CTNNA3: variants seen among roughly 807,000 people sequenced by gnomAD.
The protein encoded by CTNNA3 is catenin alpha 3.
In CTNNA3, 76 loss-of-function variants were observed where a neutral mutation model predicts 95.7. The observed-to-expected ratio is 0.79, with a 90% CI of 0.66 to 0.96. CTNNA3 has a LOEUF of 0.96. Ranked by LOEUF, CTNNA3 falls within the 40% of genes least tolerant of loss-of-function variation. The pLI, the probability that CTNNA3 is intolerant of heterozygous loss-of-function variation, is 0.00. For missense variants in CTNNA3, 1,191 were observed against 1,089.8 expected (o/e 1.09, Z -1.31); for synonymous variants, 431 against 374.4 (o/e 1.15, Z -1.74).
At chr10:66,779,019 GA>G (rs1400319389) in intron 7 of CTNNA3, among the ~76,000 whole-genome samples, 1 of 151,972 alleles carries the variant, frequency 6.6e-6, no homozygotes, top group African/African-American at 2.4e-5. Flanking sequence ...TAGTAAATAA[GA>G]AATAGACAAC....
chr10:66,270,421 G>A (rs1298052672), intron 13 of CTNNA3, among the ~76,000 whole-genome samples: 3 of 152,038 alleles, frequency 2.0e-5, no homozygotes, highest in Admixed American at 1.3e-4. Flanking sequence ...GCCCAGGCTT[G>A]TCTCAAACTC....
intron 3 of CTNNA3, among the ~76,000 whole-genome samples, chr10:67,595,008 C>G (rs1363049374): frequency 6.6e-6 from 1 of 152,144 alleles, no homozygotes; most frequent in Non-Finnish European, 1.5e-5. Flanking sequence ...TGAGTTACTT[C>G]CCTTAGAATA....
intron 1 of CTNNA3, among the ~76,000 whole-genome samples, chr10:67,680,470 T>A (rs532611264): frequency 3.9e-5 from 6 of 152,206 alleles, no homozygotes; most frequent in Non-Finnish European, 7.4e-5. Flanking sequence ...AGGAATCAGA[T>A]CCTTCTAGGA....
chr10:67,527,923 G>A (rs1481147630), intron 4 of CTNNA3, among the ~76,000 whole-genome samples: 1 of 152,152 alleles, frequency 6.6e-6, no homozygotes, highest in Non-Finnish European at 1.5e-5. Context: ...AAAAACACTG[G>A]GAAAGCTTCA....
intron 15 of CTNNA3, among the ~76,000 whole-genome samples, chr10:66,022,984 G>T (rs7074141): frequency 2.0e-5 from 3 of 151,960 alleles, no homozygotes; most frequent in Non-Finnish European, 4.4e-5. Context: ...ATATCACTTG[G>T]AGTAGAACAC....
intron 7 of CTNNA3, among the ~76,000 whole-genome samples, chr10:66,783,618 T>C (rs4615912): frequency 0.67 from 102,178 of 151,958 alleles, 34,950 homozygotes; most frequent in East Asian, 1. Context: ...TGCTGTCGAT[T>C]ACACTGTGAG....
At position 67,219,655 on chromosome 10, in the gene CTNNA3, T is replaced by C. The variant is rs1291475601; in HGVS notation, c.795A>G (p.Pro265=). 6.2e-7 allele frequency: 1 copy of C among 1,614,080 alleles called. No individual in the cohort carries two copies. The highest frequency in any genetic ancestry group is 8.5e-7 in the Non-Finnish European group (1 of 1,180,004). ...CCAGGGTTGCTGCCTGAGGTTCTGGTGGGGTTGTCATATTCTGGATCCCTT... is the reference window on the plus strand; with the variant it reads ...CCAGGGTTGCTGCCTGAGGTTCTGGCGGGGTTGTCATATTCTGGATCCCTT... ...ASQGIQNMTT[P]PEPQAATLGS... is the part of the protein sequence containing the mutation. The change falls in exon 6 of 18, where the codon CCA becomes CCG. Residue 265 remains proline (P), a synonymous_variant. Coordinates refer to ENST00000433211, the MANE Select transcript of CTNNA3 (RefSeq NM_013266.4).
chr10:66,219,750 A>T (rs949430522), intron 13 of CTNNA3, among the ~76,000 whole-genome samples: 1 of 152,150 alleles, frequency 6.6e-6, no homozygotes. Flanking sequence ...TTTGGATAAT[A>T]AATGTCCTAT....
chr10:66,824,943 CCATAG>C (rs1483452952), intron 7 of CTNNA3, among the ~76,000 whole-genome samples: 2 of 151,852 alleles, frequency 1.3e-5, no homozygotes, highest in African/African-American at 4.8e-5. Context: ...GACAAATTTA[CCATAG>C]TTATATCAGA....
chr10:67,562,323 G>A (rs577202337), intron 3 of CTNNA3, among the ~76,000 whole-genome samples: 8 of 152,114 alleles, frequency 5.3e-5, no homozygotes, highest in Non-Finnish European at 1.2e-4. Flanking sequence ...TGGGATGCAA[G>A]GCTGGTTCAA....
intron 14 of CTNNA3, among the ~76,000 whole-genome samples, chr10:66,088,867 A>T (rs2081099467): frequency 1.3e-5 from 2 of 152,116 alleles, no homozygotes; most frequent in South Asian, 4.1e-4. Flanking sequence ...ATTCTTTATG[A>T]ATACCTTGTA....
At chr10:67,095,256 G>A (rs913239118) in intron 7 of CTNNA3, among the ~76,000 whole-genome samples, 2 of 151,488 alleles carry the variant, frequency 1.3e-5, no homozygotes, top group African/African-American at 4.8e-5. Flanking sequence ...ACTTTAAAAT[G>A]CACTCTCAAT....
chr10:67,297,514 A>C (rs1840094332), intron 5 of CTNNA3, among the ~76,000 whole-genome samples: 1 of 152,322 alleles, frequency 6.6e-6, no homozygotes, highest in South Asian at 2.1e-4. Context: ...AGCTGGTTTC[A>C]GTATACTATG....
At chr10:67,268,920 C>A (rs1838833753) in intron 5 of CTNNA3, among the ~76,000 whole-genome samples, 1 of 151,934 alleles carries the variant, frequency 6.6e-6, no homozygotes, top group Non-Finnish European at 1.5e-5. Context: ...AAAAAAATGT[C>A]CAAAAGAGAT....
chr10:66,693,795 G>A (rs1847653397), intron 9 of CTNNA3, among the ~76,000 whole-genome samples: 1 of 152,028 alleles, frequency 6.6e-6, no homozygotes, highest in Non-Finnish European at 1.5e-5. Context: ...CTAGAACTCA[G>A]GATTAAGAAA....
intron 11 of CTNNA3, among the ~76,000 whole-genome samples, chr10:66,403,453 C>T (rs1204922476): frequency 2.0e-5 from 3 of 152,118 alleles, no homozygotes; most frequent in Admixed American, 6.5e-5. Flanking sequence ...CAAGCACTTC[C>T]TACATGGAGG....
intron 11 of CTNNA3, among the ~76,000 whole-genome samples, chr10:66,501,721 A>G (rs1217210790): frequency 6.6e-6 from 1 of 152,140 alleles, no homozygotes; most frequent in Non-Finnish European, 1.5e-5. Context: ...TTGAGTTTTC[A>G]TATACTCAGA....
At chr10:66,248,866 G>T (rs145820896) in intron 13 of CTNNA3, among the ~76,000 whole-genome samples, 1 of 152,064 alleles carries the variant, frequency 6.6e-6, no homozygotes, top group African/African-American at 2.4e-5. Flanking sequence ...AAGAAAACTG[G>T]AGGACTCACA....
At position 66,962,705 on chromosome 10, in the gene CTNNA3, C is replaced by G. The variant is rs71496024; in HGVS notation, c.1048-187181G>C. Among the ~76,000 whole-genome samples, 585 of 152,298 alleles carry G rather than the reference C, an allele frequency of 3.8e-3. 3 individuals carry two copies. Among genetic ancestry groups the G allele is most frequent in the Admixed American group, 6.5e-3 (100 of 15,296 alleles). ...GGATTACAGGCGTGAGCCACCGTGC[C>G]TGGCCCACCTCCTCTAAGTCTTTAT... On this transcript the variant is annotated intron_variant, in intron 7 of 17. Transcript: ENST00000433211.
Sources: allele counts gnomAD v4.1 joint callset (sites outside exome capture counted in the v4.1 genomes callset), GRCh38; gene constraint gnomAD v4.1.1; transcripts MANE v1.5; gene names NCBI Gene and HGNC (gene_info 2026-07-23, HGNC 2026-07-21).